LOXHD1: variants seen among roughly 807,000 people sequenced by gnomAD.
LOXHD1 encodes lipoxygenase homology domain-containing protein 1.
In LOXHD1, 205 loss-of-function variants were observed where a neutral mutation model predicts 248.2. The observed-to-expected ratio is 0.83, with a 90% CI of 0.74 to 0.93. The LOEUF (loss-of-function observed/expected upper bound fraction) is 0.93. Ranked by LOEUF, LOXHD1 falls within the 40% of genes least tolerant of loss-of-function variation. LOXHD1 has a pLI of 0.00. For missense variants in LOXHD1, 2,930 were observed against 2,971.6 expected (o/e 0.99, Z 0.33); for synonymous variants, 1,113 against 1,162.8 (o/e 0.96, Z 0.87).
At chr18:46,634,829 C>T (rs1203636469) in intron 4 of LOXHD1, among the ~76,000 whole-genome samples, 1 of 152,150 alleles carries the variant, frequency 6.6e-6, no homozygotes. Context: ...GGCACAGTTT[C>T]AGGGTGGCAA....
At chr18:46,517,674 A>G (rs2035331778) in intron 34 of LOXHD1, among the ~76,000 whole-genome samples, 1 of 152,180 alleles carries the variant, frequency 6.6e-6, no homozygotes, top group East Asian at 1.9e-4. Flanking sequence ...TCTTTTTTTA[A>G]TGTTTTGAAA....
intron 12 of LOXHD1, among the ~76,000 whole-genome samples, chr18:46,583,846 C>A (rs965258260): frequency 1.3e-5 from 2 of 150,456 alleles, no homozygotes; most frequent in African/African-American, 2.4e-5. Flanking sequence ...GGTATATATC[C>A]AAAAAAAAAA....
At chr18:46,616,544 A>G (rs917592677) in intron 5 of LOXHD1, among the ~76,000 whole-genome samples, 2 of 152,170 alleles carry the variant, frequency 1.3e-5, no homozygotes, top group African/African-American at 4.8e-5. Context: ...GATTCATTAC[A>G]TAGTTATCCA....
intron 12 of LOXHD1, among the ~76,000 whole-genome samples, chr18:46,581,947 T>C (rs2037971618): frequency 6.6e-6 from 1 of 152,214 alleles, no homozygotes. Flanking sequence ...CCACAAAAGC[T>C]ACCTTTCAAG....
chr18:46,482,326 G>T (rs2032647566), intron 40 of LOXHD1, among the ~76,000 whole-genome samples: 1 of 152,164 alleles, frequency 6.6e-6, no homozygotes, highest in Admixed American at 6.5e-5. Context: ...GGTCATGAGG[G>T]TGGGGCCCTT....
chr18:46,644,144 G>T (rs1410249063), intron 2 of LOXHD1, among the ~76,000 whole-genome samples: 2 of 152,132 alleles, frequency 1.3e-5, no homozygotes, highest in Non-Finnish European at 2.9e-5. Context: ...CCCATCCCCA[G>T]CCCAGCCTGC....
intron 24 of LOXHD1, 43 bp downstream of exon 24, chr18:46,542,684 T>C: frequency 6.5e-7 from 1 of 1,550,258 alleles, no homozygotes; most frequent in Non-Finnish European, 8.7e-7. Flanking sequence ...CTGTCCATGG[T>C]CCTTAAAGTC....
rs561740845 is a variant in LOXHD1 at position 46,477,563 on chromosome 18, G to A, written c.6731C>T (p.Thr2244Ile). 6.4e-5 allele frequency: 99 copies of A among 1,551,680 alleles called. No homozygotes were observed. In the African/African-American group the frequency reaches 1.2e-3, roughly 19 times the overall value. The change falls in exon 41 of 41, where the codon ACC becomes ATC. Residue 2244 changes from threonine to isoleucine, a missense_variant. By Grantham distance (89) the Thr-to-Ile change is moderately conservative (BLOSUM62 -1). Coordinates refer to ENST00000642948, the MANE Select transcript of LOXHD1 (RefSeq NM_001384474.1). ...ACAGTTGAAGATGGTGGCCACGCCG[G>A]TGCTGGTGTTGGTGACCTCCACCTT... is the stretch of plus-strand genomic sequence containing the variant. ...VEKVEVTNTSTGVATIFNCGR... is the reference protein window; with the variant it reads ...VEKVEVTNTSIGVATIFNCGR...
chr18:46,655,763 A>G (rs1946641924), intron 1 of LOXHD1, among the ~76,000 whole-genome samples: 1 of 152,224 alleles, frequency 6.6e-6, no homozygotes, highest in African/African-American at 2.4e-5. Context: ...ACTAAAGACA[A>G]GTACAGCAAG....
intron 12 of LOXHD1, among the ~76,000 whole-genome samples, chr18:46,583,882 A>G (rs657787): frequency 6.6e-6 from 1 of 152,180 alleles, no homozygotes; most frequent in East Asian, 1.9e-4. Context: ...TTGACAAGAT[A>G]TCTGTACTCT....
intron 13 of LOXHD1, 149 bp downstream of exon 13, chr18:46,579,481 T>C: frequency 9.5e-7 from 1 of 1,055,732 alleles, no homozygotes. Flanking sequence ...GATTCCCCAG[T>C]TCCCCGCCCC....
At chr18:46,492,165 G>T (rs1050486530) in intron 37 of LOXHD1, among the ~76,000 whole-genome samples, 5 of 152,158 alleles carry the variant, frequency 3.3e-5, no homozygotes, top group African/African-American at 1.2e-4. Context: ...ATGACAGCAG[G>T]ATAGTAGAGA....
At chr18:46,656,085 A>C (rs936233483) in intron 1 of LOXHD1, among the ~76,000 whole-genome samples, 3 of 152,228 alleles carry the variant, frequency 2.0e-5, no homozygotes, top group Non-Finnish European at 4.4e-5. Flanking sequence ...CTGGTGAGCC[A>C]CTTTGGAGTC....
intron 4 of LOXHD1, among the ~76,000 whole-genome samples, chr18:46,637,953 TTTATAATAGCATTG>T (rs1157731310): frequency 3.9e-5 from 6 of 152,192 alleles, no homozygotes; most frequent in African/African-American, 1.4e-4. Flanking sequence ...AGGTGAAGTA[TTTATAATAGCATTG>T]TTATAATAGC....
At chr18:46,515,774 C>T (rs1395875195) in intron 34 of LOXHD1, among the ~76,000 whole-genome samples, 2 of 152,208 alleles carry the variant, frequency 1.3e-5, no homozygotes, top group African/African-American at 4.8e-5. Flanking sequence ...TAATAGAACT[C>T]TGAGCTGCCT....
intron 34 of LOXHD1, among the ~76,000 whole-genome samples, chr18:46,516,612 C>T (rs936439659): frequency 6.6e-6 from 1 of 152,060 alleles, no homozygotes; most frequent in Admixed American, 6.6e-5. Context: ...TCCCTACCAT[C>T]ATCACCTTCA....
At chr18:46,652,129 C>T (rs2039119318) in intron 1 of LOXHD1, among the ~76,000 whole-genome samples, 1 of 152,200 alleles carries the variant, frequency 6.6e-6, no homozygotes, top group Non-Finnish European at 1.5e-5. Context: ...AGACACAAAA[C>T]ACAACATACT....
intron 14 of LOXHD1, among the ~76,000 whole-genome samples, chr18:46,576,358 G>A (rs2037854773): frequency 6.6e-6 from 1 of 152,008 alleles, no homozygotes; most frequent in South Asian, 2.1e-4. Flanking sequence ...TTAGGAGAAT[G>A]AGGGTTCACA....
At chr18:46,489,334 T>C (rs530143772) in intron 37 of LOXHD1, among the ~76,000 whole-genome samples, 192 bp from the exon 38 acceptor site, 1 of 152,282 alleles carries the variant, frequency 6.6e-6, no homozygotes, top group South Asian at 2.1e-4. Flanking sequence ...GCACAGAGGA[T>C]ATAATTTTCT....
Sources: gnomAD v4.1 joint callset for allele counts (sites outside exome capture counted in the v4.1 genomes callset) on GRCh38, gnomAD v4.1.1 for gene constraint, MANE v1.5 for transcripts, NCBI Gene and HGNC (gene_info 2026-07-23, HGNC 2026-07-21) for gene names.